Variants in CACNA1H observed in about 807,000 individuals in gnomAD.
The protein encoded by CACNA1H is voltage-dependent T-type calcium channel subunit alpha-1H.
A neutral mutation model predicts 192.5 loss-of-function variants in CACNA1H; 149 were observed. The ratio of observed to expected loss-of-function variants is 0.77; its 90% CI spans 0.68 to 0.89. The LOEUF (loss-of-function observed/expected upper bound fraction) is 0.89, where lower values mean the gene tolerates loss of function less well. CACNA1H is among the 40% of genes least tolerant of loss of function. The pLI is 0.00. For synonymous variants in CACNA1H, 2,202 were observed against 1,475.2 expected, an observed-to-expected ratio of 1.49 and a Z score of -11.29; for missense variants, 4,257 against 3,423.5, an observed-to-expected ratio of 1.24 and a Z score of -6.08.
intron 2 of CACNA1H, among the ~76,000 whole-genome samples, chr16:1,161,312 C>T (rs1412774726): frequency 6.6e-6 from 1 of 152,202 alleles, no homozygotes; most frequent in Non-Finnish European, 1.5e-5. Context: ...GAGGTGGGGG[C>T]AAGCCCTCGC....
At chr16:1,201,370 G>A (rs992990454) in intron 8 of CACNA1H, among the ~76,000 whole-genome samples, 3 of 152,148 alleles carry the variant, frequency 2.0e-5, no homozygotes, top group South Asian at 2.1e-4. Context: ...ACCGTTGAGA[G>A]GGTCATCTCA....
chr16:1,197,994 C>T (rs965804813), intron 5 of CACNA1H, among the ~76,000 whole-genome samples: 3 of 152,158 alleles, frequency 2.0e-5, no homozygotes, highest in African/African-American at 4.8e-5. Flanking sequence ...CGCTGCCGGT[C>T]CTCCCCACCG....
At chr16:1,164,031 G>A (rs540570280) in intron 2 of CACNA1H, among the ~76,000 whole-genome samples, 1 of 152,338 alleles carries the variant, frequency 6.6e-6, no homozygotes, top group African/African-American at 2.4e-5. Flanking sequence ...GCCTGTTGGT[G>A]CTGCTGGGGT....
At chr16:1,171,016 C>A (rs1352994879) in intron 2 of CACNA1H, among the ~76,000 whole-genome samples, 5 of 151,984 alleles carry the variant, frequency 3.3e-5, no homozygotes, top group African/African-American at 1.2e-4. Context: ...CTCTAGCTCT[C>A]CCCCCAACCA....
At chr16:1,213,603 C>T (rs1291483550) in intron 26 of CACNA1H, among the ~76,000 whole-genome samples, 177 bp from the exon 27 acceptor site, 2 of 151,992 alleles carry the variant, frequency 1.3e-5, no homozygotes, top group African/African-American at 2.4e-5. Context: ...AGAGAGTCCC[C>T]CTTCTCCAGT....
rs888204371 is a variant in CACNA1H at position 1,195,842 on chromosome 16, C to T, written c.546-84C>T. ...GGTGCCGGGCTGGCCGGTTCTATGC[C>T]TGCCCACCCTACTTTGCACCCCAGC... On this transcript the variant is annotated intron_variant, in intron 4 of 34. Coordinates refer to ENST00000348261, the MANE Select transcript of CACNA1H (RefSeq NM_021098.3). 1.8e-5 allele frequency: 20 copies of T among 1,119,258 alleles called. 1 individual carries two copies. The South Asian group carries it at 2.2e-4, about 12-fold the overall frequency. 69.3% of individuals were successfully genotyped at this position (1,119,258 alleles called of 1,614,324 possible).
At chr16:1,191,532 G>A (rs1966617956) in intron 2 of CACNA1H, among the ~76,000 whole-genome samples, 1 of 43,996 alleles carries the variant, frequency 2.3e-5, no homozygotes, top group African/African-American at 1.5e-4. Context: ...GCCTGGCTGT[G>A]TGGCCTCAGG....
rs59740700 is a variant in CACNA1H at position 1,205,374 on chromosome 16, G to T, written c.2603+109G>T. 2.8e-4 allele frequency: 337 copies of T among 1,219,286 alleles called. 1 individual carries two copies. Among genetic ancestry groups the T allele is most frequent in the South Asian group, 1.6e-3 (113 of 69,412 alleles). 75.5% of individuals were successfully genotyped at this position (1,219,286 alleles called of 1,614,324 possible). On this transcript the variant is annotated intron_variant, in intron 11 of 34. Coordinates refer to ENST00000348261, the MANE Select transcript of CACNA1H (RefSeq NM_021098.3). Reference sequence around the variant, plus strand: ...GAGCACAGGAGGAAGTACGACGATAGCTCTTTATGACAGGCCGTGGGAAGC... The same window carrying T: ...GAGCACAGGAGGAAGTACGACGATATCTCTTTATGACAGGCCGTGGGAAGC...
chr16:1,220,844 A>G lies in CACNA1H; in HGVS notation c.6912A>G (p.Glu2304=), dbSNP rs1970429998. The change falls in exon 35 of 35, where the codon GAA becomes GAG. Residue 2304 remains glutamate, a synonymous_variant. Transcript: ENST00000348261. ...ASSSGAIVPL[E]PPESEPPMPV... ...CTTCAGGGGCCATAGTGCCCCTGGA[A>G]CCCCCAGAATCAGAGCCTCCCATGC... 6.2e-7 allele frequency: 1 copy of G among 1,612,492 alleles called. No homozygotes were observed. Among genetic ancestry groups the G allele is most frequent in the Non-Finnish European group, 8.5e-7 (1 of 1,179,698 alleles).
Position 1,154,015 on chromosome 16 carries a change from G to A in CACNA1H, c.278G>A (p.Cys93Tyr). 8.0e-7 allele frequency: 1 copy of A among 1,253,958 alleles called. No individual in the cohort carries two copies. The highest frequency in any genetic ancestry group is 1.0e-6 in the Non-Finnish European group (1 of 979,016). The allele number at this position is 1,253,958 out of a possible 1,614,324, so 77.7% of individuals were successfully genotyped here. A position where few individuals can be genotyped will look rare whatever the true frequency, so the allele number is the denominator to read the frequency against. The change falls in exon 2 of 35, where the codon TGC becomes TAC. Residue 93 changes from cysteine (C) to tyrosine (Y), a missense_variant. By Grantham distance (194) the Cys-to-Tyr change is radical. Coordinates refer to ENST00000348261, the MANE Select transcript of CACNA1H (RefSeq NM_021098.3). The stretch of plus-strand genomic sequence containing the variant: ...CAGACCACGCGGCCGCGCAGCTGGT[G>A]CCTCCGGCTGGTCTGCAACCCATAT... ...LGQTTRPRSWCLRLVCNPWFE... is the reference protein window; with the variant it reads ...LGQTTRPRSWYLRLVCNPWFE...
Position 1,207,054 on chromosome 16 carries a change from G to C in CACNA1H, c.2843G>C (p.Gly948Ala), listed in dbSNP as rs764605091. 1 of 1,602,944 alleles carries C rather than the reference G, an allele frequency of 6.2e-7. No homozygotes were observed. Among genetic ancestry groups the C allele is most frequent in the Non-Finnish European group, 8.5e-7 (1 of 1,174,978 alleles). Reference protein sequence around the residue: ...GCKFSLKTDTGDTVPDRKNFD... With the variant: ...GCKFSLKTDTADTVPDRKNFD... Reference sequence around the variant, plus strand: ...AAGTTCAGCCTGAAGACAGACACCGGAGACACCGTGCCTGACAGGAAGAAC... The same window carrying C: ...AAGTTCAGCCTGAAGACAGACACCGCAGACACCGTGCCTGACAGGAAGAAC... Residue 948 changes from glycine to alanine, a missense_variant, in exon 13 of 35, where the codon GGA becomes GCA. Transcript: ENST00000348261.
intron 2 of CACNA1H, among the ~76,000 whole-genome samples, chr16:1,188,983 G>GC (rs1313861511): frequency 1.3e-5 from 2 of 151,926 alleles, no homozygotes; most frequent in African/African-American, 4.9e-5. Flanking sequence ...CCCTTGGAGG[G>GC]CCCCCCCAGG....
chr16:1,183,165 C>T (rs997542129), intron 2 of CACNA1H, among the ~76,000 whole-genome samples: 10 of 151,952 alleles, frequency 6.6e-5, no homozygotes, highest in Non-Finnish European at 1.3e-4. Flanking sequence ...AGCCCTGGAA[C>T]CCGGTACCCT....
chr16:1,163,395 G>C (rs1030610519), intron 2 of CACNA1H, among the ~76,000 whole-genome samples: 4 of 152,222 alleles, frequency 2.6e-5, no homozygotes, highest in African/African-American at 9.6e-5. Flanking sequence ...AGGGGGTGCT[G>C]GTCTGGCCTG....
chr16:1,197,485 G>T (rs2141212426), intron 5 of CACNA1H, among the ~76,000 whole-genome samples: 1 of 152,354 alleles, frequency 6.6e-6, no homozygotes, highest in South Asian at 2.1e-4. Context: ...CTGGGGATCT[G>T]CTCCTGTCTC....
intron 30 of CACNA1H, among the ~76,000 whole-genome samples, chr16:1,216,290 C>T (rs1480631703): frequency 6.6e-6 from 1 of 152,250 alleles, no homozygotes; most frequent in African/African-American, 2.4e-5. Context: ...GCGTGCCTAG[C>T]TTCGTCCAAG....
chr16:1,188,145 T>C (rs1194446967), intron 2 of CACNA1H, among the ~76,000 whole-genome samples: 1 of 152,230 alleles, frequency 6.6e-6, no homozygotes, highest in Non-Finnish European at 1.5e-5. Context: ...CCCATGGCCC[T>C]GGCCTGAGGA....
chr16:1,182,511 A>G (rs992719659), intron 2 of CACNA1H, among the ~76,000 whole-genome samples: 44 of 152,050 alleles, frequency 2.9e-4, no homozygotes, highest in Admixed American at 3.9e-4. Context: ...GGCTGGAGAC[A>G]AACACTCCAT....
rs2235634 is a variant in CACNA1H, at chr16:1,215,600, G to A, written c.5244+7G>A. ...GGTGCAAGCTCTCCCCCAGGTAGGT[G>A]GAGCCCGCGCCATCCTCAGCGCAGG... On this transcript the variant is annotated splice_region_variant and intron_variant, in intron 30 of 34. Coordinates refer to ENST00000348261, the MANE Select transcript of CACNA1H (RefSeq NM_021098.3). The A allele has an allele frequency of 0.14, 219,915 of 1,608,102 alleles. 16,732 individuals are homozygous for A. Among genetic ancestry groups the A allele is most frequent in the East Asian group, 0.26 (11,682 of 44,726 alleles).
Sources: allele counts gnomAD v4.1 joint callset (sites outside exome capture counted in the v4.1 genomes callset), GRCh38; gene constraint gnomAD v4.1.1; transcripts MANE v1.5; gene names NCBI Gene and HGNC (gene_info 2026-07-23, HGNC 2026-07-21).